UGT1A9: variants seen among roughly 807,000 people sequenced by gnomAD.
UGT1A9 encodes UDP glucuronosyltransferase family 1 member A9.
A neutral mutation model predicts 45.0 loss-of-function variants in UGT1A9; 35 were observed. The ratio of observed to expected loss-of-function variants is 0.78; its 90% confidence interval spans 0.59 to 1.03. The LOEUF is 1.03. Among genes scored for constraint, UGT1A9 ranks in the 50% least tolerant of loss-of-function variants. The pLI, the probability that UGT1A9 is intolerant of heterozygous loss-of-function variation, is 0.00. For synonymous variants in UGT1A9, 278 were observed against 250.6 expected (o/e 1.11, Z -1.03); for missense variants, 687 against 666.6 (o/e 1.03, Z -0.34).
At chr2:233,716,512 C>T (rs1056007201) in intron 1 of UGT1A9, among the ~76,000 whole-genome samples, 3 of 152,196 alleles carry the variant, frequency 2.0e-5, no homozygotes, top group Non-Finnish European at 4.4e-5. Flanking sequence ...TCAGAGCTCT[C>T]AGCTTACCAT....
intron 1 of UGT1A9, among the ~76,000 whole-genome samples, chr2:233,750,216 G>A (rs192238866): frequency 1.3e-5 from 2 of 151,994 alleles, no homozygotes; most frequent in Middle Eastern, 3.4e-3. Flanking sequence ...AGTCTCAGAT[G>A]GAGATGAGGA....
In UGT1A9 at chr2:233,743,774, T is replaced by G. The variant is rs370785747; in HGVS notation, c.856-23260T>G. On this transcript the variant is annotated intron_variant, in intron 1 of 4. Transcript: ENST00000354728. ...CAACACCTCGTAGGCCTCGGCCACC[T>G]GCTTGAATCTCCTCTCCGCTTCCTC... 2.2e-6 allele frequency: 3 copies of G among 1,367,230 alleles called. No homozygotes were observed. The African/African-American group carries it at 4.4e-5, about 20-fold the overall frequency. 84.7% of individuals were successfully genotyped at this position (1,367,230 alleles called of 1,614,324 possible).
At chr2:233,700,064 G>T (rs1274980816) in intron 1 of UGT1A9, among the ~76,000 whole-genome samples, 2 of 152,314 alleles carry the variant, frequency 1.3e-5, no homozygotes, top group South Asian at 2.1e-4. Context: ...ATCCAGTGGT[G>T]TCTACCCAGC....
intron 1 of UGT1A9, among the ~76,000 whole-genome samples, chr2:233,724,164 AC>A (rs1305793865): frequency 2.6e-4 from 26 of 101,282 alleles, no homozygotes; most frequent in African/African-American, 4.5e-4. Flanking sequence ...GGGGGGGCTG[AC>A]CCCCCCATCT....
intron 1 of UGT1A9, among the ~76,000 whole-genome samples, chr2:233,683,951 C>G (rs2074657441): frequency 6.6e-6 from 1 of 152,110 alleles, no homozygotes; most frequent in South Asian, 2.1e-4. Flanking sequence ...GTCTAGCCAG[C>G]TTAAATTAGG....
chr2:233,748,568 G>A (rs1374135931), intron 1 of UGT1A9, among the ~76,000 whole-genome samples: 1 of 151,846 alleles, frequency 6.6e-6, no homozygotes, highest in South Asian at 2.1e-4. Flanking sequence ...GGAAGTAGAA[G>A]TGTTAAAGAG....
In UGT1A9 at chr2:233,760,364, ATGCTGGGAAGATAC is replaced by A. The variant is rs775463336; in HGVS notation, c.856-6667_856-6654del. 13 of 1,614,036 alleles carry A rather than the reference ATGCTGGGAAGATAC, an allele frequency of 8.1e-6. No homozygotes were observed. In the African/African-American group the frequency reaches 1.6e-4, roughly 20 times the overall value. On this transcript the variant is annotated intron_variant, in intron 1 of 4. Coordinates refer to ENST00000354728, the MANE Select transcript of UGT1A9 (RefSeq NM_021027.3). ...TGTGTGCTGGGCCCAGTGGTGTCCC[ATGCTGGGAAGATAC>A]TGTTGATCCCAGTGGATGGCAGCCA... is the stretch of plus-strand genomic sequence containing the variant.
Position 233,709,909 on chromosome 2 carries a change from A to G in UGT1A9, c.855+37120A>G, listed in dbSNP as rs186719826. Reference sequence around the variant, plus strand: ...TTCTGTCCTATCTCAGTCACCTAATACCTCCCCTCACCTTAGGCAACCCTG... The same window carrying G: ...TTCTGTCCTATCTCAGTCACCTAATGCCTCCCCTCACCTTAGGCAACCCTG... On this transcript the variant is annotated intron_variant, in intron 1 of 4. Coordinates refer to ENST00000354728, the MANE Select transcript of UGT1A9 (RefSeq NM_021027.3). 8.5e-5 allele frequency among the ~76,000 whole-genome samples: 13 copies of G among 152,088 alleles called. No homozygotes were observed. The East Asian group carries it at 2.5e-3, about 29-fold the overall frequency.
At chr2:233,699,340 A>T (rs2075499292) in intron 1 of UGT1A9, among the ~76,000 whole-genome samples, 1 of 152,158 alleles carries the variant, frequency 6.6e-6, no homozygotes, top group Admixed American at 6.5e-5. Flanking sequence ...CATCCACCCT[A>T]GGGCTAACCT....
rs200734586 is a variant in UGT1A9 at position 233,760,641 on chromosome 2, G to T, written c.856-6393G>T. ...TCAAAACATACAAGAAAATAAAAAA[G>T]GACTCTGCTATGCTTTTGTCTGGCT... On this transcript the variant is annotated intron_variant, in intron 1 of 4. Transcript: ENST00000354728. The T allele has an allele frequency of 1.5e-4, 243 of 1,614,044 alleles. No individual in the cohort carries two copies. The highest frequency in any genetic ancestry group is 2.0e-4 in the Non-Finnish European group (236 of 1,180,030).
At chr2:233,690,961 G>C in intron 1 of UGT1A9, 1 of 1,007,322 alleles carries the variant, frequency 9.9e-7, no homozygotes, top group Non-Finnish European at 1.2e-6. Context: ...AGGGACTTCT[G>C]GGACTAAGAA....
intron 1 of UGT1A9, among the ~76,000 whole-genome samples, chr2:233,733,262 T>A (rs11685892): frequency 0.53 from 80,164 of 151,964 alleles, 22,478 homozygotes; most frequent in African/African-American, 0.73. Flanking sequence ...AAACAGGGAC[T>A]ATTTGACTTC....
chr2:233,676,608 C>T (rs1575420847), intron 1 of UGT1A9, among the ~76,000 whole-genome samples: 1 of 152,182 alleles, frequency 6.6e-6, no homozygotes, highest in Non-Finnish European at 1.5e-5. Context: ...TCCTTTGTCT[C>T]CTCCAGCCTG....
At chr2:233,737,076 G>T (rs183644627) in intron 1 of UGT1A9, among the ~76,000 whole-genome samples, 1 of 152,230 alleles carries the variant, frequency 6.6e-6, no homozygotes, top group Non-Finnish European at 1.5e-5. Context: ...CTTCAGAGCT[G>T]TCAGACAGGG....
chr2:233,707,397 T>C (rs911448134), intron 1 of UGT1A9, among the ~76,000 whole-genome samples: 1 of 152,214 alleles, frequency 6.6e-6, no homozygotes, highest in Non-Finnish European at 1.5e-5. Context: ...CTATTCTTTT[T>C]GATGTTCTCT....
At chr2:233,692,802 A>G (rs2075115278) in intron 1 of UGT1A9, 1 of 1,397,668 alleles carries the variant, frequency 7.2e-7, no homozygotes, top group Non-Finnish European at 9.3e-7. Context: ...TGACACGGCC[A>G]TAGTTGGTTC....
chr2:233,729,879 T>C (rs2125748829), intron 1 of UGT1A9: 1 of 1,613,906 alleles, frequency 6.2e-7, no homozygotes, highest in Non-Finnish European at 8.5e-7. Context: ...TTCTCAGTCA[T>C]GCATCTGTGT....
rs12471326 is a variant in UGT1A9 at position 233,767,812 on chromosome 2, T to C, written c.988-37T>C. ...AGATTTGTTTTCTAATCATATTATGTTCTTTCTTTACGTTCTGCTCTTTTT... is the reference window on the plus strand; with the variant it reads ...AGATTTGTTTTCTAATCATATTATGCTCTTTCTTTACGTTCTGCTCTTTTT... On this transcript the variant is annotated intron_variant, in intron 2 of 4. Transcript: ENST00000354728. The C allele has an allele frequency of 0.03, 48,630 of 1,614,140 alleles. 974 individuals are homozygous for C. The highest frequency in any genetic ancestry group is 0.09 in the Admixed American group (5,377 of 60,016).
At chr2:233,760,808 C>T in intron 1 of UGT1A9, 3 of 1,613,442 alleles carry the variant, frequency 1.9e-6, no homozygotes, top group Non-Finnish European at 2.5e-6. Flanking sequence ...TTCTTGCATG[C>T]ACTGCCATGC....
Sources: gnomAD v4.1 joint callset for allele counts (sites outside exome capture counted in the v4.1 genomes callset) on GRCh38, gnomAD v4.1.1 for gene constraint, MANE v1.5 for transcripts, NCBI Gene and HGNC (gene_info 2026-07-23, HGNC 2026-07-21) for gene names.